ABCB10: variants seen among roughly 807,000 people sequenced by gnomAD.
ABCB10 encodes the protein ATP binding cassette subfamily B member 10.
ABCB10 carries 54 observed loss-of-function variants against 65.4 expected under a neutral mutation model. The ratio of observed to expected loss-of-function variants is 0.83; its 90% confidence interval spans 0.66 to 1.04. The LOEUF (loss-of-function observed/expected upper bound fraction) is 1.04, where lower values mean the gene tolerates loss of function less well. ABCB10 is among the 50% of genes least tolerant of loss of function. The pLI is 0.00. For missense variants in ABCB10, 846 were observed against 976.6 expected, an observed-to-expected ratio of 0.87 and a Z score of 1.78; for synonymous variants, 418 against 406.5, an observed-to-expected ratio of 1.03 and a Z score of -0.34.
At chr1:229,547,444 C>A (rs1662995954) in intron 3 of ABCB10, 55 bp downstream of exon 3, 1 of 1,595,968 alleles carries the variant, frequency 6.3e-7, no homozygotes, top group Non-Finnish European at 8.6e-7. Flanking sequence ...CGTGAGAGGC[C>A]TGGTGCAAGC....
chr1:229,557,304 C>T (rs1663273401), intron 1 of ABCB10, among the ~76,000 whole-genome samples: 1 of 152,190 alleles, frequency 6.6e-6, no homozygotes, highest in Admixed American at 6.5e-5. Context: ...TTCATAGATG[C>T]TTCTCCCCAC....
At position 229,527,149 on chromosome 1, in the gene ABCB10, C is replaced by T. The variant is rs746642625; in HGVS notation, c.1725+80G>A. The T allele has an allele frequency of 3.5e-4, 448 of 1,262,866 alleles. 2 individuals are homozygous for T. Among genetic ancestry groups the T allele is most frequent in the Non-Finnish European group, 3.9e-4 (349 of 898,410 alleles). 78.2% of individuals were successfully genotyped at this position (1,262,866 alleles called of 1,614,324 possible). A position where few individuals can be genotyped will look rare whatever the true frequency, so the allele number is the denominator to read the frequency against. ...TCCATTCCTTCTCTCTTGAGAAGTT[C>T]GAGACAAAAAAAAAAAAAAGCAAAA... On this transcript the variant is annotated intron_variant, in intron 9 of 12. Coordinates refer to ENST00000344517, the MANE Select transcript of ABCB10 (RefSeq NM_012089.3).
At chr1:229,542,443 A>G (rs1189131600) in intron 3 of ABCB10, 72 bp from the exon 4 acceptor site, 5 of 1,544,272 alleles carry the variant, frequency 3.2e-6, no homozygotes, top group Non-Finnish European at 4.4e-6. Context: ...TACCTACGAA[A>G]GGGGAGTGTG....
Position 229,516,687 on chromosome 1 carries a change from A to G in ABCB10, c.*1492T>C, listed in dbSNP as rs1310281604. Reference sequence around the variant, plus strand: ...ACATAACAATGAAATGCAATTTCGTAAATACTTCTATGGCACAAGGATTAT... The same window carrying G: ...ACATAACAATGAAATGCAATTTCGTGAATACTTCTATGGCACAAGGATTAT... On this transcript the variant is annotated 3_prime_UTR_variant, in exon 13 of 13. Transcript: ENST00000344517. The G allele has an allele frequency of 6.6e-6, 1 of 152,228 alleles. No homozygotes were observed. Among genetic ancestry groups the G allele is most frequent in the African/African-American group, 2.4e-5 (1 of 41,456 alleles). The allele number at this position is 152,228 out of a possible 1,614,324, so 9.4% of individuals were successfully genotyped here. A position where few individuals can be genotyped will look rare whatever the true frequency, so the allele number is the denominator to read the frequency against.
chr1:229,521,268 C>T (rs564271976), intron 11 of ABCB10, among the ~76,000 whole-genome samples: 5 of 152,164 alleles, frequency 3.3e-5, no homozygotes, highest in Admixed American at 6.5e-5. Context: ...TGCATACTTA[C>T]GCTGTTTTAT....
Position 229,547,697 on chromosome 1 carries a change from C to G in ABCB10, c.723G>C (p.Gln241His), listed in dbSNP as rs561642522. ...AAGTTCTCAGCCTATTCACAATGCG[C>G]TGACCTGCAAAAGCAAACACGAACA... The part of the protein sequence containing the change: ...IRVYLMQTSG[Q>H]RIVNRLRTSL... Residue 241 changes from glutamine to histidine, a missense_variant, in exon 3 of 13, where the codon CAG becomes CAC. Transcript: ENST00000344517. 1.2e-6 allele frequency: 2 copies of G among 1,614,156 alleles called. No individual in the cohort carries two copies. The highest frequency in any genetic ancestry group is 2.7e-5 in the African/African-American group (2 of 75,050).
At chr1:229,520,981 C>T (rs1414274606) in intron 11 of ABCB10, among the ~76,000 whole-genome samples, 1 of 152,024 alleles carries the variant, frequency 6.6e-6, no homozygotes, top group African/African-American at 2.4e-5. Context: ...TGTGTGCAAC[C>T]AACTCCGCAA....
At chr1:229,551,427 T>C (rs920622046) in intron 1 of ABCB10, among the ~76,000 whole-genome samples, 1 of 152,252 alleles carries the variant, frequency 6.6e-6, no homozygotes, top group South Asian at 2.1e-4. Flanking sequence ...TTGTCACTGA[T>C]TGCCTACAGT....
chr1:229,519,484 G>A (rs1228014108), intron 11 of ABCB10, among the ~76,000 whole-genome samples: 1 of 152,164 alleles, frequency 6.6e-6, no homozygotes, highest in Non-Finnish European at 1.5e-5. Context: ...TCAGTGAGAT[G>A]AGAATCTAAA....
intron 1 of ABCB10, 81 bp downstream of exon 1, chr1:229,558,055 C>G: frequency 8.0e-7 from 1 of 1,248,470 alleles, no homozygotes; most frequent in Non-Finnish European, 1.0e-6. Flanking sequence ...GCGGCCCGGC[C>G]GTGTCCCTCT....
At chr1:229,535,055 A>AG in intron 6 of ABCB10, 1 of 148,574 alleles carries the variant, frequency 6.7e-6, no homozygotes, top group South Asian at 2.1e-4. Flanking sequence ...AAAAAAAAAA[A>AG]AAAAAAAAAA....
In ABCB10 at chr1:229,518,245, C is replaced by G; in HGVS notation, c.2151G>C (p.Glu717Asp). ...GKITEYGKHE[E>D]LLSKPNGIYR... ...ATATCCCATTTGGTTTTGAAAGCAG[C>G]TCTTCATGTTTTCCATATTCAGTAA... The change falls in exon 13 of 13, where the codon GAG becomes GAC. Residue 717 changes from glutamate (E) to aspartate (D), a missense_variant. Coordinates refer to ENST00000344517, the MANE Select transcript of ABCB10 (RefSeq NM_012089.3). The G allele has an allele frequency of 6.2e-7, 1 of 1,614,124 alleles. No homozygotes were observed. The highest frequency in any genetic ancestry group is 8.5e-7 in the Non-Finnish European group (1 of 1,180,020).
chr1:229,527,153 A>AC, intron 9 of ABCB10, 76 bp downstream of exon 9: 1 of 1,307,798 alleles, frequency 7.6e-7, no homozygotes, highest in African/African-American at 1.6e-5. Flanking sequence ...GAAGTTCGAG[A>AC]CAAAAAAAAA....
At chr1:229,552,405 CCCA>C (rs1333455919) in intron 1 of ABCB10, among the ~76,000 whole-genome samples, 1 of 152,182 alleles carries the variant, frequency 6.6e-6, no homozygotes, top group Non-Finnish European at 1.5e-5. Context: ...CTTGCTTGCC[CCCA>C]CCCTTGCCTG....
chr1:229,542,435 C>T (rs540229511), intron 3 of ABCB10, 64 bp from the exon 4 acceptor site: 353 of 1,563,398 alleles, frequency 2.3e-4, no homozygotes, highest in Non-Finnish European at 2.8e-4. Flanking sequence ...ATTCTCATTA[C>T]CTACGAAAGG....
chr1:229,539,814 T>A (rs1662799578), intron 5 of ABCB10, among the ~76,000 whole-genome samples: 1 of 152,216 alleles, frequency 6.6e-6, no homozygotes, highest in Non-Finnish European at 1.5e-5. Context: ...AAGTCTCCCA[T>A]CAGATCCTGA....
intron 7 of ABCB10, 71 bp from the exon 8 acceptor site, chr1:229,530,479 T>G: frequency 5.3e-6 from 8 of 1,522,394 alleles, no homozygotes; most frequent in Non-Finnish European, 7.2e-6. Flanking sequence ...TCGGTTCTCC[T>G]ACTCATCTGG....
intron 8 of ABCB10, among the ~76,000 whole-genome samples, chr1:229,528,909 T>C (rs937796819): frequency 1.7e-4 from 26 of 152,248 alleles, no homozygotes; most frequent in Admixed American, 3.9e-4. Flanking sequence ...ACAGGGAAGA[T>C]AGAAGTAAAA....
intron 1 of ABCB10, among the ~76,000 whole-genome samples, chr1:229,553,328 T>C (rs1244388454): frequency 6.6e-6 from 1 of 152,118 alleles, no homozygotes; most frequent in Non-Finnish European, 1.5e-5. Flanking sequence ...CAGGCTGGTC[T>C]TGAACTGCCG....
Sources: gnomAD v4.1 joint callset for allele counts (sites outside exome capture counted in the v4.1 genomes callset) on GRCh38, gnomAD v4.1.1 for gene constraint, MANE v1.5 for transcripts, NCBI Gene and HGNC (gene_info 2026-07-23, HGNC 2026-07-21) for gene names.